Variants in LNX1 observed in about 807,000 individuals in gnomAD.
LNX1 encodes ligand of numb-protein X 1.
In LNX1, 54 loss-of-function variants were observed where a neutral mutation model predicts 68.4. That is an observed-to-expected ratio of 0.79 (90% CI 0.63 to 0.99). The LOEUF is 0.99. Ranked by LOEUF, LNX1 falls within the 50% of genes least tolerant of loss-of-function variation. The pLI, the probability that LNX1 is intolerant of heterozygous loss-of-function variation, is 0.00. For synonymous variants in LNX1, 336 were observed against 350.0 expected (o/e 0.96, Z 0.45); for missense variants, 906 against 926.4 (o/e 0.98, Z 0.29).
At chr4:53,467,752 C>T (rs1162193643) in intron 9 of LNX1, among the ~76,000 whole-genome samples, 4 of 151,354 alleles carry the variant, frequency 2.6e-5, no homozygotes, top group African/African-American at 9.7e-5. Context: ...CGATGGAAGA[C>T]AAAATGAATG....
At chr4:53,626,619 A>G (rs1409953697) in intron 1 of LNX1, among the ~76,000 whole-genome samples, 2 of 152,202 alleles carry the variant, frequency 1.3e-5, no homozygotes, top group Admixed American at 1.3e-4. Context: ...TGCTGACAAA[A>G]TTGGGAGCTA....
At chr4:53,635,815 A>T (rs1329070973) in intron 1 of LNX1, among the ~76,000 whole-genome samples, 1 of 152,202 alleles carries the variant, frequency 6.6e-6, no homozygotes, top group African/African-American at 2.4e-5. Context: ...ATTCAAGTTT[A>T]TGTTTTCTCA....
At chr4:53,463,637 T>TTGA (rs1722380385) in intron 9 of LNX1, among the ~76,000 whole-genome samples, 1 of 71,794 alleles carries the variant, frequency 1.4e-5, no homozygotes, top group Non-Finnish European at 3.1e-5. Context: ...TTTAGGCCTA[T>TTGA]CGAAGATTTG....
At position 53,508,225 on chromosome 4, in the gene LNX1, C is replaced by T; in HGVS notation, c.383G>A (p.Cys128Tyr). 1 of 1,611,952 alleles carries T rather than the reference C, an allele frequency of 6.2e-7. No individual in the cohort carries two copies. The highest frequency in any genetic ancestry group is 8.5e-7 in the Non-Finnish European group (1 of 1,178,140). ...CAGGCCGTAGTGGGAGGCACCTTTA[C>T]AGCTGTAACAGAACCAGCGGGGAGG... ...CDLEHHFQTSCKGASHYGLTK... is the reference protein window; with the variant it reads ...CDLEHHFQTSYKGASHYGLTK... Residue 128 changes from cysteine (C) to tyrosine (Y), a missense_variant and splice_region_variant, in exon 3 of 11, where the codon TGT becomes TAT. Transcript: ENST00000263925.
intron 9 of LNX1, among the ~76,000 whole-genome samples, chr4:53,463,180 G>A (rs567455176): frequency 3.4e-4 from 52 of 151,904 alleles, no homozygotes; most frequent in African/African-American, 1.1e-3. Context: ...AAAATATTAC[G>A]TGTTCTAGTT....
intron 9 of LNX1, among the ~76,000 whole-genome samples, chr4:53,470,851 A>G (rs932047176): frequency 1.3e-5 from 2 of 152,066 alleles, no homozygotes; most frequent in Admixed American, 1.3e-4. Context: ...GATACAAACA[A>G]ATGGAAGAAC....
At chr4:53,636,128 A>G (rs910467351) in intron 1 of LNX1, among the ~76,000 whole-genome samples, 10 of 147,654 alleles carry the variant, frequency 6.8e-5, no homozygotes, top group Admixed American at 6.8e-4. Context: ...AATGCCTGCA[A>G]TTCAGAGTGG....
chr4:53,642,605 G>A (rs1173259035), intron 1 of LNX1, among the ~76,000 whole-genome samples: 1 of 152,118 alleles, frequency 6.6e-6, no homozygotes, highest in Non-Finnish European at 1.5e-5. Context: ...AGATAGCTCT[G>A]GAAAGAAAGA....
At chr4:53,593,657 A>G (rs1732614254), upstream of LNX1, among the ~76,000 whole-genome samples, 1 of 152,174 alleles carries the variant, frequency 6.6e-6, no homozygotes, top group African/African-American at 2.4e-5. Context: ...AGGGGTTAAA[A>G]AAAATAATAT....
chr4:53,512,208 C>T (rs1462088287), intron 2 of LNX1, among the ~76,000 whole-genome samples: 3 of 134,292 alleles, frequency 2.2e-5, no homozygotes, highest in African/African-American at 8.3e-5. Flanking sequence ...AAAGGCTGGC[C>T]CAGTGTCCCT....
At chr4:53,464,237 ATTAAC>A (rs1722469427) in intron 9 of LNX1, among the ~76,000 whole-genome samples, 1 of 152,088 alleles carries the variant, frequency 6.6e-6, no homozygotes, top group Admixed American at 6.6e-5. Flanking sequence ...AACTATGACC[ATTAAC>A]TTAATAGATT....
chr4:53,508,378 C>T, intron 2 of LNX1, 151 bp from the exon 3 acceptor site: 2 of 927,698 alleles, frequency 2.2e-6, no homozygotes, highest in Non-Finnish European at 3.2e-6. Flanking sequence ...CTTCCCTTTT[C>T]ACACATCGGT....
At chr4:53,618,541 C>A (rs1219459045), upstream of LNX1, among the ~76,000 whole-genome samples, 1 of 152,142 alleles carries the variant, frequency 6.6e-6, no homozygotes, top group African/African-American at 2.4e-5. Context: ...GCTAATCAAG[C>A]CCTGGGTACA....
intron 9 of LNX1, among the ~76,000 whole-genome samples, chr4:53,467,339 G>A (rs1263932586): frequency 4.6e-5 from 7 of 152,122 alleles, no homozygotes; most frequent in Admixed American, 4.6e-4. Flanking sequence ...AAACCCATCA[G>A]TACGTCACCA....
intron 2 of LNX1, among the ~76,000 whole-genome samples, chr4:53,605,932 G>A (rs1277496178): frequency 6.6e-6 from 1 of 152,182 alleles, no homozygotes; most frequent in Non-Finnish European, 1.5e-5. Flanking sequence ...CCGTTTCCCA[G>A]AAGAGGGATT....
intron 9 of LNX1, among the ~76,000 whole-genome samples, chr4:53,471,355 G>T (rs536994994): frequency 6.6e-6 from 1 of 152,096 alleles, no homozygotes; most frequent in Non-Finnish European, 1.5e-5. Flanking sequence ...ATGGATTAAA[G>T]ACTTATATGT....
At chr4:53,540,939 C>G (rs993159288) in intron 2 of LNX1, among the ~76,000 whole-genome samples, 1 of 151,730 alleles carries the variant, frequency 6.6e-6, no homozygotes, top group African/African-American at 2.4e-5. Flanking sequence ...GAGCTCAAGA[C>G]TAGCCTGGCC....
intron 2 of LNX1, among the ~76,000 whole-genome samples, chr4:53,517,068 C>T (rs1319351421): frequency 1.3e-5 from 2 of 152,132 alleles, no homozygotes; most frequent in East Asian, 3.9e-4. Context: ...TCTTGCTCGC[C>T]ACTGAATCCT....
chr4:53,480,198 C>CT (rs1002449704), intron 7 of LNX1, among the ~76,000 whole-genome samples: 1 of 152,100 alleles, frequency 6.6e-6, no homozygotes, highest in Non-Finnish European at 1.5e-5. Flanking sequence ...AAATATGTTA[C>CT]TTTTTTGTGA....
Sources: allele counts gnomAD v4.1 joint callset (sites outside exome capture counted in the v4.1 genomes callset), GRCh38; gene constraint gnomAD v4.1.1; transcripts MANE v1.5; gene names NCBI Gene and HGNC (gene_info 2026-07-23, HGNC 2026-07-21).